NELL1: variants seen among roughly 807,000 people sequenced by gnomAD.
NELL1 encodes protein kinase C-binding protein NELL1.
NELL1 carries 76 observed loss-of-function variants against 107.4 expected under a neutral mutation model. The ratio of observed to expected loss-of-function variants is 0.71; its 90% confidence interval spans 0.59 to 0.86. The LOEUF (loss-of-function observed/expected upper bound fraction) is 0.86, where lower values mean the gene tolerates loss of function less well. Among genes scored for constraint, NELL1 ranks in the 40% least tolerant of loss-of-function variants. The pLI, the probability that NELL1 is intolerant of heterozygous loss-of-function variation, is 0.00. For missense variants in NELL1, 1,024 were observed against 1,005.5 expected, an observed-to-expected ratio of 1.02 and a Z score of -0.25; for synonymous variants, 353 against 341.2, an observed-to-expected ratio of 1.03 and a Z score of -0.38.
intron 14 of NELL1, among the ~76,000 whole-genome samples, chr11:21,281,210 C>T (rs2133947486): frequency 6.6e-6 from 1 of 151,982 alleles, no homozygotes; most frequent in African/African-American, 2.4e-5. Context: ...CCCCCCGAGC[C>T]AGAAGGGAAC....
intron 4 of NELL1, among the ~76,000 whole-genome samples, chr11:20,862,186 G>C (rs940105465): frequency 6.6e-6 from 1 of 152,138 alleles, no homozygotes; most frequent in Non-Finnish European, 1.5e-5. Context: ...ATGATGATTC[G>C]GATGCTAAAT....
chr11:20,743,447 C>T lies in NELL1; in HGVS notation c.185-40233C>T, dbSNP rs532976813. Among the ~76,000 whole-genome samples, 9 of 152,286 alleles carry T rather than the reference C, an allele frequency of 5.9e-5. No homozygotes were observed. In the South Asian group the frequency reaches 1.9e-3, roughly 32 times the overall value. On this transcript the variant is annotated intron_variant, in intron 2 of 19. Coordinates refer to ENST00000357134, the MANE Select transcript of NELL1 (RefSeq NM_006157.5). Reference sequence around the variant, plus strand: ...CGCTTATCTGCCAAACCCAACCCTACTTTCTAGACATGAGTTGTTGTAACA... The same window carrying T: ...CGCTTATCTGCCAAACCCAACCCTATTTTCTAGACATGAGTTGTTGTAACA...
At chr11:20,710,095 A>G (rs1855074086) in intron 2 of NELL1, among the ~76,000 whole-genome samples, 1 of 152,136 alleles carries the variant, frequency 6.6e-6, no homozygotes. Flanking sequence ...TGTTGCATAG[A>G]AGTGGTGAAA....
At chr11:21,388,761 A>G (rs1851801305) in intron 15 of NELL1, among the ~76,000 whole-genome samples, 1 of 151,796 alleles carries the variant, frequency 6.6e-6, no homozygotes, top group Admixed American at 6.6e-5. Context: ...AAATCCCCAC[A>G]TGTTAAGGTA....
At chr11:21,499,420 A>C (rs1245286937) in intron 15 of NELL1, among the ~76,000 whole-genome samples, 1 of 151,998 alleles carries the variant, frequency 6.6e-6, no homozygotes, top group Non-Finnish European at 1.5e-5. Context: ...TTTGCTATTC[A>C]TGCATCAATA....
At chr11:21,126,578 A>G (rs1427660460) in intron 13 of NELL1, among the ~76,000 whole-genome samples, 1 of 152,154 alleles carries the variant, frequency 6.6e-6, no homozygotes, top group Non-Finnish European at 1.5e-5. Flanking sequence ...AGGTTTGATC[A>G]TGTGAAAGAA....
At chr11:21,484,231 G>A (rs1283251318) in intron 15 of NELL1, among the ~76,000 whole-genome samples, 1 of 149,734 alleles carries the variant, frequency 6.7e-6, no homozygotes, top group Non-Finnish European at 1.5e-5. Context: ...AAAAAAAATT[G>A]CTGACACAAT....
At chr11:21,316,813 T>A (rs1314523897) in intron 14 of NELL1, among the ~76,000 whole-genome samples, 7 of 152,028 alleles carry the variant, frequency 4.6e-5, no homozygotes, top group Non-Finnish European at 1.5e-5. Context: ...CAGAGTCTCT[T>A]GTGGGTAGGG....
chr11:20,776,741 G>A (rs528016638), intron 2 of NELL1, among the ~76,000 whole-genome samples: 78 of 152,090 alleles, frequency 5.1e-4, no homozygotes, highest in Non-Finnish European at 9.7e-4. Context: ...TAGGCTTGTG[G>A]TGCTAGAATG....
chr11:20,737,001 C>T (rs1375655581), intron 2 of NELL1, among the ~76,000 whole-genome samples: 1 of 152,132 alleles, frequency 6.6e-6, no homozygotes, highest in Non-Finnish European at 1.5e-5. Context: ...GATCTGCCTG[C>T]CTCGGCCTCC....
chr11:21,307,204 C>T (rs1849624441), intron 14 of NELL1, among the ~76,000 whole-genome samples: 1 of 151,846 alleles, frequency 6.6e-6, no homozygotes, highest in South Asian at 2.1e-4. Context: ...ATCGACAGCT[C>T]TTTGACTAAT....
At position 20,783,766 on chromosome 11, in the gene NELL1, G is replaced by T; in HGVS notation, c.271G>T (p.Ala91Ser). The change falls in exon 3 of 20, where the codon GCC becomes TCC. Residue 91 changes from alanine to serine, a missense_variant. Ala to Ser is a moderately conservative substitution (Grantham distance 99). Transcript: ENST00000357134. ...FRNKSEFTILATVQQKPSTSG... is the reference protein window; with the variant it reads ...FRNKSEFTILSTVQQKPSTSG... Reference sequence around the variant, plus strand: ...GAACAAGAGTGAATTCACCATTTTGGCCACTGTACAGCAGAAGCCATCCAC... The same window carrying T: ...GAACAAGAGTGAATTCACCATTTTGTCCACTGTACAGCAGAAGCCATCCAC... 6.2e-7 allele frequency: 1 copy of T among 1,613,918 alleles called. No homozygotes were observed. Among genetic ancestry groups the T allele is most frequent in the South Asian group, 1.1e-5 (1 of 91,064 alleles).
intron 15 of NELL1, among the ~76,000 whole-genome samples, chr11:21,481,408 C>T (rs1854488573): frequency 6.6e-6 from 1 of 152,112 alleles, no homozygotes. Context: ...TTAATCTGGG[C>T]AAGTGAAGAT....
intron 12 of NELL1, among the ~76,000 whole-genome samples, chr11:21,016,980 G>A (rs1852580246): frequency 6.6e-6 from 1 of 152,076 alleles, no homozygotes; most frequent in African/African-American, 2.4e-5. Flanking sequence ...ATTCCTAGGT[G>A]TTCTTGGGAA....
intron 11 of NELL1, among the ~76,000 whole-genome samples, chr11:20,950,222 A>G (rs1282649633): frequency 1.3e-5 from 2 of 152,270 alleles, no homozygotes; most frequent in African/African-American, 4.8e-5. Flanking sequence ...GAATCCCAGA[A>G]CATCCAGCCC....
intron 3 of NELL1, among the ~76,000 whole-genome samples, chr11:20,814,326 C>T (rs889269551): frequency 1.3e-5 from 2 of 152,150 alleles, no homozygotes; most frequent in African/African-American, 4.8e-5. Flanking sequence ...GGTTCATGGT[C>T]TATATGTGCA....
intron 14 of NELL1, among the ~76,000 whole-genome samples, chr11:21,269,981 G>T (rs552827043): frequency 3.5e-4 from 53 of 151,980 alleles, no homozygotes; most frequent in African/African-American, 1.3e-3. Context: ...ATTATCTAAG[G>T]GTATGCTGGG....
intron 12 of NELL1, among the ~76,000 whole-genome samples, chr11:21,047,018 A>G (rs942293891): frequency 1.3e-5 from 2 of 151,832 alleles, no homozygotes; most frequent in East Asian, 3.9e-4. Context: ...CACCTGGGCT[A>G]TTTACTCTAG....
chr11:21,241,453 G>A (rs963488713), intron 14 of NELL1, among the ~76,000 whole-genome samples: 1 of 152,090 alleles, frequency 6.6e-6, no homozygotes, highest in Non-Finnish European at 1.5e-5. Flanking sequence ...CCTTTTAATG[G>A]CTGTTATGTT....
Sources: gnomAD v4.1 joint callset for allele counts (sites outside exome capture counted in the v4.1 genomes callset) on GRCh38, gnomAD v4.1.1 for gene constraint, MANE v1.5 for transcripts, NCBI Gene and HGNC (gene_info 2026-07-23, HGNC 2026-07-21) for gene names.